Variants in SHISA9 observed in about 807,000 individuals in gnomAD.
The protein encoded by SHISA9 is protein shisa-9.
SHISA9 carries 13 observed loss-of-function variants against 38.0 expected under a neutral mutation model. The ratio of observed to expected loss-of-function variants is 0.34; its 90% CI spans 0.22 to 0.54. The LOEUF (loss-of-function observed/expected upper bound fraction) is 0.54. Among genes scored for constraint, SHISA9 ranks in the 20% least tolerant of loss-of-function variants. SHISA9 has a pLI of 0.91. For synonymous variants in SHISA9, 275 were observed against 242.0 expected (o/e 1.14, Z -1.27); for missense variants, 538 against 575.8 (o/e 0.93, Z 0.67).
At chr16:13,545,336 A>G in the SHISA9 span, among the ~76,000 whole-genome samples, 5 of 152,238 alleles carry the variant, frequency 3.3e-5, no homozygotes, top group Non-Finnish European at 7.3e-5. Flanking sequence ...CAAGATCAAA[A>G]AAAGCAGACG....
At chr16:13,375,565 G>A in the SHISA9 span, among the ~76,000 whole-genome samples, 1 of 151,984 alleles carries the variant, frequency 6.6e-6, no homozygotes, top group Non-Finnish European at 1.5e-5. Flanking sequence ...TGCTGTTTTG[G>A]TTACTGTAGC....
intron 1 of SHISA9, among the ~76,000 whole-genome samples, chr16:12,905,889 CTG>C (rs1428772771): frequency 1.3e-5 from 2 of 152,264 alleles, no homozygotes; most frequent in Non-Finnish European, 2.9e-5. Flanking sequence ...GCATGAGCCA[CTG>C]TGCCTGACCG....
intron 2 of SHISA9, among the ~76,000 whole-genome samples, chr16:12,940,344 C>G (rs904071030): frequency 6.6e-6 from 1 of 152,114 alleles, no homozygotes; most frequent in African/African-American, 2.4e-5. Flanking sequence ...CTGAATATGC[C>G]TAGGCATGCC....
intron 2 of SHISA9, among the ~76,000 whole-genome samples, chr16:13,062,188 TAA>T (rs34685957): frequency 1.4e-5 from 2 of 146,396 alleles, no homozygotes; most frequent in African/African-American, 2.5e-5. Flanking sequence ...GGACTTACGC[TAA>T]AAAAAAAAAA....
chr16:13,373,489 G>A, the SHISA9 span, among the ~76,000 whole-genome samples: 37 of 152,258 alleles, frequency 2.4e-4, no homozygotes, highest in Admixed American at 1.0e-3. Flanking sequence ...GAGGCTGGGC[G>A]TGGTGGCTCA....
intron 2 of SHISA9, among the ~76,000 whole-genome samples, chr16:13,068,278 G>C (rs867832775): frequency 5.9e-5 from 9 of 152,272 alleles, no homozygotes; most frequent in Non-Finnish European, 1.2e-4. Context: ...TCCGTTTCTC[G>C]ACCCATAAAA....
In SHISA9 at chr16:12,975,661, G is replaced by GC. The variant is rs1555451388; in HGVS notation, c.691+58846_691+58847insC. Among the ~76,000 whole-genome samples, 42 of 148,798 alleles carry GC rather than the reference G, an allele frequency of 2.8e-4. 1 individual carries two copies. Among genetic ancestry groups the GC allele is most frequent in the African/African-American group, 1.0e-3 (41 of 40,564 alleles). On this transcript the variant is annotated intron_variant, in intron 2 of 4. Coordinates refer to ENST00000558583, the MANE Select transcript of SHISA9 (RefSeq NM_001145204.3). The stretch of plus-strand genomic sequence containing the variant: ...TGGGTGGGGTGGGACGGGGGCGGGG[G>GC]GGGTAAGGGCATGTCACTATGAATA...
chr16:13,536,349 G>T, the SHISA9 span, among the ~76,000 whole-genome samples: 1 of 152,066 alleles, frequency 6.6e-6, no homozygotes, highest in Non-Finnish European at 1.5e-5. Context: ...TATCCCTGTG[G>T]CTACTTCTTT....
chr16:13,056,460 A>G (rs1020102584), intron 2 of SHISA9, among the ~76,000 whole-genome samples: 5 of 152,208 alleles, frequency 3.3e-5, no homozygotes, highest in African/African-American at 1.2e-4. Flanking sequence ...TGTTGGAATC[A>G]CCTACAGACA....
chr16:13,310,992 C>G, the SHISA9 span, among the ~76,000 whole-genome samples: 1 of 152,036 alleles, frequency 6.6e-6, no homozygotes, highest in South Asian at 2.1e-4. Context: ...TGATTTTATG[C>G]TTTAACATTC....
chr16:13,037,166 C>A (rs866990878), intron 2 of SHISA9, among the ~76,000 whole-genome samples: 24 of 142,698 alleles, frequency 1.7e-4, no homozygotes, highest in African/African-American at 5.8e-4. Context: ...ACTGTTGGTC[C>A]CAGATTCTGA....
At chr16:13,413,946 C>T in the SHISA9 span, among the ~76,000 whole-genome samples, 2 of 152,088 alleles carry the variant, frequency 1.3e-5, no homozygotes, top group African/African-American at 4.8e-5. Context: ...CTAAACTCAT[C>T]CTGCAACCGT....
intron 2 of SHISA9, among the ~76,000 whole-genome samples, chr16:12,964,159 C>A (rs976623423): frequency 2.0e-5 from 3 of 152,128 alleles, no homozygotes; most frequent in Admixed American, 6.6e-5. Flanking sequence ...GTCTAAGGTG[C>A]TAAATTTGAA....
At chr16:13,560,806 A>C in the SHISA9 span, among the ~76,000 whole-genome samples, 1 of 150,466 alleles carries the variant, frequency 6.6e-6, no homozygotes, top group Non-Finnish European at 1.5e-5. Context: ...TGTCACGGCC[A>C]TGTCAGTCCC....
At position 12,936,869 on chromosome 16, in the gene SHISA9, A is replaced by T. The variant is rs560372550; in HGVS notation, c.691+20054A>T. Among the ~76,000 whole-genome samples the T allele has an allele frequency of 3.3e-5, 5 of 152,290 alleles. No individual in the cohort carries two copies. In the South Asian group the frequency reaches 1.0e-3, roughly 32 times the overall value. ...TCCTGCTTGTTTACAGATTTGTCTA[A>T]GCCCTTGAGGTAAACGGAATCCAAC... is the stretch of plus-strand genomic sequence containing the variant. On this transcript the variant is annotated intron_variant, in intron 2 of 4. Coordinates refer to ENST00000558583, the MANE Select transcript of SHISA9 (RefSeq NM_001145204.3).
the SHISA9 span, among the ~76,000 whole-genome samples, chr16:13,555,372 C>T: frequency 2.6e-5 from 4 of 152,094 alleles, no homozygotes. Flanking sequence ...ATGGTATAAC[C>T]TTCCTCAGAG....
the SHISA9 span, among the ~76,000 whole-genome samples, chr16:13,352,778 C>A: frequency 9.1e-6 from 1 of 110,244 alleles, no homozygotes; most frequent in Non-Finnish European, 1.8e-5. Flanking sequence ...TGTTCTCTGG[C>A]GGGCAGGAGT....
Position 13,051,877 on chromosome 16 carries a change from G to T in SHISA9, c.691+135062G>T, listed in dbSNP as rs548154362. 4.0e-5 allele frequency among the ~76,000 whole-genome samples: 6 copies of T among 151,732 alleles called. No individual in the cohort carries two copies. The South Asian group carries it at 1.2e-3, about 32-fold the overall frequency. On this transcript the variant is annotated intron_variant, in intron 2 of 4. Coordinates refer to ENST00000558583, the MANE Select transcript of SHISA9 (RefSeq NM_001145204.3). ...CCTCCCCGGTTCAAACAATTCTCCT[G>T]CCTCAGTCTCCTGAGTAGCTGGGAC...
intron 2 of SHISA9, among the ~76,000 whole-genome samples, chr16:13,146,501 A>G (rs1311051331): frequency 6.6e-6 from 1 of 152,158 alleles, no homozygotes; most frequent in Non-Finnish European, 1.5e-5. Context: ...TCAAGCATTC[A>G]TCCTTTCTTT....
Sources: gnomAD v4.1 joint callset for allele counts (sites outside exome capture counted in the v4.1 genomes callset) on GRCh38, gnomAD v4.1.1 for gene constraint, MANE v1.5 for transcripts, NCBI Gene and HGNC (gene_info 2026-07-23, HGNC 2026-07-21) for gene names.